Variants in RNGTT observed in about 807,000 individuals in gnomAD.
The protein encoded by RNGTT is mRNA-capping enzyme.
Under a neutral mutation model 79.3 loss-of-function variants are expected in RNGTT, and 33 were observed. That is an observed-to-expected ratio of 0.42 (90% CI 0.32 to 0.56). RNGTT has a LOEUF of 0.56. Among genes scored for constraint, RNGTT ranks in the 20% least tolerant of loss-of-function variants. RNGTT has a pLI of 0.17. For missense variants in RNGTT, 497 were observed against 739.1 expected (o/e 0.67, Z 3.80); for synonymous variants, 222 against 235.9 (o/e 0.94, Z 0.54).
chr6:88,884,472 G>A (rs1337451297), intron 8 of RNGTT, among the ~76,000 whole-genome samples: 1 of 152,098 alleles, frequency 6.6e-6, no homozygotes, highest in African/African-American at 2.4e-5. Flanking sequence ...TGTACAAAAA[G>A]AAATGCAAGA....
intron 8 of RNGTT, among the ~76,000 whole-genome samples, chr6:88,888,054 T>C (rs972558268): frequency 6.6e-6 from 1 of 152,096 alleles, no homozygotes; most frequent in African/African-American, 2.4e-5. Context: ...GAGGTCAAGG[T>C]TGCAGTGAGC....
chr6:88,792,087 G>C (rs1005027075), intron 12 of RNGTT, among the ~76,000 whole-genome samples: 1 of 152,064 alleles, frequency 6.6e-6, no homozygotes, highest in East Asian at 1.9e-4. Context: ...GTCTAAAAGT[G>C]GGCCCACACA....
intron 13 of RNGTT, among the ~76,000 whole-genome samples, chr6:88,754,855 A>G (rs1451448776): frequency 1.3e-5 from 2 of 152,212 alleles, no homozygotes; most frequent in African/African-American, 2.4e-5. Context: ...TTTGTTTCCC[A>G]TAAGGAATAC....
rs71024314 is a variant in RNGTT, at chr6:88,901,495, C to CTT, written c.684+3218_684+3219dup. Among the ~76,000 whole-genome samples, 101 of 65,808 alleles carry CTT rather than the reference C, an allele frequency of 1.5e-3. 14 individuals carry two copies. The highest frequency in any genetic ancestry group is 4.4e-3 in the African/African-American group (62 of 14,056). The allele number at this position is 65,808 out of a possible 152,430, so 43.2% of individuals were successfully genotyped here. A position where few individuals can be genotyped will look rare whatever the true frequency, so the allele number is the denominator to read the frequency against. The stretch of plus-strand genomic sequence containing the variant: ...AAAAATAACTGTCAAGCACCCTGAT[C>CTT]TTTTTTTTTTTTTTTTTTTTTTTTT... On this transcript the variant is annotated intron_variant, in intron 6 of 15. Coordinates refer to ENST00000369485, the MANE Select transcript of RNGTT (RefSeq NM_003800.5).
At chr6:88,830,591 G>GGA (rs200284944) in intron 11 of RNGTT, among the ~76,000 whole-genome samples, 183 of 151,268 alleles carry the variant, frequency 1.2e-3, no homozygotes, top group African/African-American at 3.6e-3. Flanking sequence ...CAGAACTGAA[G>GGA]GAGAGAGAGA....
intron 8 of RNGTT, among the ~76,000 whole-genome samples, chr6:88,883,510 C>G (rs1268854635): frequency 1.3e-5 from 2 of 152,166 alleles, no homozygotes; most frequent in African/African-American, 4.8e-5. Flanking sequence ...AGTGGATCAG[C>G]ATGACTCAGT....
chr6:88,655,342 G>C (rs1398595170), intron 14 of RNGTT, among the ~76,000 whole-genome samples: 1 of 152,082 alleles, frequency 6.6e-6, no homozygotes, highest in Admixed American at 6.5e-5. Flanking sequence ...AAAAAAAATA[G>C]AAATGATGTC....
chr6:88,780,476 A>T (rs893198045), intron 12 of RNGTT, among the ~76,000 whole-genome samples: 8 of 152,238 alleles, frequency 5.3e-5, no homozygotes, highest in Admixed American at 3.9e-4. Flanking sequence ...ACAAGGATAT[A>T]AAAACACCAT....
intron 12 of RNGTT, among the ~76,000 whole-genome samples, chr6:88,791,739 C>A (rs1374999444): frequency 1.3e-5 from 2 of 151,948 alleles, no homozygotes; most frequent in Non-Finnish European, 2.9e-5. Context: ...CAGGGTTTCA[C>A]CACGTTAGCC....
intron 12 of RNGTT, among the ~76,000 whole-genome samples, chr6:88,796,557 T>C (rs1779609655): frequency 6.6e-6 from 1 of 152,152 alleles, no homozygotes; most frequent in South Asian, 2.1e-4. Flanking sequence ...AGATTGGTTG[T>C]CCCTAGTAGA....
At chr6:88,841,397 C>T (rs952198794) in intron 11 of RNGTT, among the ~76,000 whole-genome samples, 5 of 152,132 alleles carry the variant, frequency 3.3e-5, no homozygotes, top group African/African-American at 1.2e-4. Flanking sequence ...AAGACTGACA[C>T]CAAATTAAGC....
intron 2 of RNGTT, among the ~76,000 whole-genome samples, chr6:88,933,594 T>C (rs1008517344): frequency 3.9e-5 from 6 of 152,108 alleles, no homozygotes; most frequent in Admixed American, 2.0e-4. Flanking sequence ...GATCCTTTCA[T>C]CTCAGCCTCC....
At chr6:88,909,398 G>A (rs1049783689) in intron 4 of RNGTT, among the ~76,000 whole-genome samples, 6 of 152,156 alleles carry the variant, frequency 3.9e-5, no homozygotes, top group African/African-American at 1.4e-4. Flanking sequence ...CCCTGCCTGA[G>A]GATCTACCAC....
intron 11 of RNGTT, among the ~76,000 whole-genome samples, chr6:88,836,014 AC>A (rs1781060075): frequency 1.6e-5 from 2 of 122,728 alleles, no homozygotes; most frequent in African/African-American, 5.7e-5. Context: ...ACACACACAC[AC>A]ACACACACAT....
intron 8 of RNGTT, among the ~76,000 whole-genome samples, chr6:88,881,785 T>G (rs147591003): frequency 2.0e-5 from 3 of 152,146 alleles, no homozygotes; most frequent in Non-Finnish European, 4.4e-5. Context: ...AGAGAGGAAA[T>G]GTTTAAAGGA....
intron 13 of RNGTT, among the ~76,000 whole-genome samples, chr6:88,764,775 C>T (rs1242656333): frequency 6.6e-6 from 1 of 152,160 alleles, no homozygotes; most frequent in Admixed American, 6.6e-5. Flanking sequence ...ACATATACTA[C>T]CTTAATGCCC....
intron 6 of RNGTT, among the ~76,000 whole-genome samples, chr6:88,895,501 T>C (rs757185144): frequency 6.6e-6 from 1 of 152,084 alleles, no homozygotes; most frequent in Non-Finnish European, 1.5e-5. Context: ...TGTGCCACAG[T>C]TATAAACCCA....
chr6:88,769,172 G>A (rs983162435), intron 13 of RNGTT, among the ~76,000 whole-genome samples: 8 of 151,800 alleles, frequency 5.3e-5, no homozygotes, highest in East Asian at 1.9e-4. Context: ...GGAGGTGTGC[G>A]GCGGGGGAAG....
chr6:88,667,492 G>GC (rs1466307840), intron 14 of RNGTT, among the ~76,000 whole-genome samples: 1 of 152,216 alleles, frequency 6.6e-6, no homozygotes, highest in Non-Finnish European at 1.5e-5. Flanking sequence ...TTATGGAGCA[G>GC]CCCCCTTTGA....
Sources: allele counts gnomAD v4.1 joint callset (sites outside exome capture counted in the v4.1 genomes callset), GRCh38; gene constraint gnomAD v4.1.1; transcripts MANE v1.5; gene names NCBI Gene and HGNC (gene_info 2026-07-23, HGNC 2026-07-21).